CSMD1: variants seen among roughly 807,000 people sequenced by gnomAD.
CSMD1 encodes CUB and sushi domain-containing protein 1.
In CSMD1, 213 loss-of-function variants were observed where a neutral mutation model predicts 417.5. The observed-to-expected ratio is 0.51, with a 90% CI of 0.46 to 0.57. The LOEUF is 0.57. Among genes scored for constraint, CSMD1 ranks in the 20% least tolerant of loss-of-function variants. The pLI, the probability that CSMD1 is intolerant of heterozygous loss-of-function variation, is 0.00. For synonymous variants in CSMD1, 2,862 were observed against 1,736.8 expected, an observed-to-expected ratio of 1.65 and a Z score of -16.11; for missense variants, 6,923 against 4,529.7, an observed-to-expected ratio of 1.53 and a Z score of -15.17.
intron 2 of CSMD1, among the ~76,000 whole-genome samples, chr8:4,447,799 G>C (rs1012215916): frequency 2.0e-5 from 3 of 151,464 alleles, no homozygotes; most frequent in Non-Finnish European, 2.9e-5. Context: ...GAAAATAAAC[G>C]AACACAACTA....
intron 3 of CSMD1, among the ~76,000 whole-genome samples, chr8:4,315,288 G>A (rs1056929148): frequency 2.0e-5 from 3 of 152,148 alleles, no homozygotes; most frequent in East Asian, 1.9e-4. Context: ...GACAGTATGC[G>A]AGGAGACCCT....
At chr8:4,390,621 C>T (rs1244926998) in intron 3 of CSMD1, among the ~76,000 whole-genome samples, 1 of 152,038 alleles carries the variant, frequency 6.6e-6, no homozygotes, top group Admixed American at 6.6e-5. Context: ...TCACGCCATT[C>T]TCCTGCCTCA....
chr8:3,200,689 T>C (rs1167990541), intron 32 of CSMD1, among the ~76,000 whole-genome samples: 1 of 152,038 alleles, frequency 6.6e-6, no homozygotes, highest in East Asian at 1.9e-4. Flanking sequence ...CAGAGGACAA[T>C]GTGTTACTAA....
At chr8:3,445,477 C>T (rs905080907) in intron 12 of CSMD1, among the ~76,000 whole-genome samples, 1 of 152,098 alleles carries the variant, frequency 6.6e-6, no homozygotes, top group Non-Finnish European at 1.5e-5. Flanking sequence ...ACACACAGCT[C>T]GAGCAGATGG....
intron 1 of CSMD1, among the ~76,000 whole-genome samples, chr8:4,731,397 G>A (rs981090134): frequency 6.6e-6 from 1 of 152,078 alleles, no homozygotes; most frequent in African/African-American, 2.4e-5. Context: ...ACCTGTGCAA[G>A]TACTTTTCAT....
At chr8:3,642,894 C>G (rs889796567) in intron 7 of CSMD1, among the ~76,000 whole-genome samples, 2 of 151,430 alleles carry the variant, frequency 1.3e-5, no homozygotes, top group Non-Finnish European at 2.9e-5. Flanking sequence ...TACATACACA[C>G]ACATATATAT....
intron 3 of CSMD1, among the ~76,000 whole-genome samples, chr8:4,079,246 G>A (rs1362757003): frequency 6.6e-6 from 1 of 152,126 alleles, no homozygotes; most frequent in Non-Finnish European, 1.5e-5. Flanking sequence ...AGTAGATATA[G>A]CCCATGGAGA....
At chr8:4,928,274 C>T (rs945012376) in intron 1 of CSMD1, among the ~76,000 whole-genome samples, 1 of 152,226 alleles carries the variant, frequency 6.6e-6, no homozygotes, top group South Asian at 2.1e-4. Context: ...TCAGAACAAA[C>T]TGTCCTGACC....
rs570135078 is a variant in CSMD1 at position 4,210,313 on chromosome 8, C to A, written c.416-178214G>T. On this transcript the variant is annotated intron_variant, in intron 3 of 69. Transcript: ENST00000635120. ...CATCCTCTACTGTTAGATTCCATGT[C>A]AAGTGTGGGATTGTGCTGTGTCAAG... is the stretch of plus-strand genomic sequence containing the variant. Among the ~76,000 whole-genome samples the A allele has an allele frequency of 4.6e-5, 7 of 152,320 alleles. No homozygotes were observed. The South Asian group carries it at 8.3e-4, about 18-fold the overall frequency.
intron 5 of CSMD1, among the ~76,000 whole-genome samples, chr8:3,976,873 C>A (rs532441238): frequency 4.1e-4 from 62 of 152,288 alleles, no homozygotes; most frequent in African/African-American, 1.5e-3. Flanking sequence ...AGCACTAGCA[C>A]TGAGATGTGT....
intron 3 of CSMD1, among the ~76,000 whole-genome samples, chr8:4,213,202 T>A (rs1168950982): frequency 6.6e-6 from 1 of 152,114 alleles, no homozygotes; most frequent in Non-Finnish European, 1.5e-5. Context: ...GAATCATATT[T>A]CACTAATGGG....
At chr8:3,404,731 A>T (rs774442601) in intron 15 of CSMD1, among the ~76,000 whole-genome samples, 12 of 152,180 alleles carry the variant, frequency 7.9e-5, no homozygotes, top group Non-Finnish European at 1.5e-4. Context: ...TTAGTGTTTT[A>T]CAAAGTTATT....
intron 3 of CSMD1, among the ~76,000 whole-genome samples, chr8:4,307,975 T>G (rs17335309): frequency 6.6e-6 from 1 of 151,986 alleles, no homozygotes; most frequent in African/African-American, 2.4e-5. Flanking sequence ...CTGAAGAAAT[T>G]ACAGAGGCTC....
chr8:3,936,884 T>C (rs985313950), intron 5 of CSMD1, among the ~76,000 whole-genome samples: 2 of 152,188 alleles, frequency 1.3e-5, no homozygotes, highest in South Asian at 4.1e-4. Context: ...CAAAACCCTT[T>C]GGAAAGAATT....
chr8:4,082,494 C>T (rs977779765), intron 3 of CSMD1, among the ~76,000 whole-genome samples: 1 of 152,032 alleles, frequency 6.6e-6, no homozygotes, highest in Non-Finnish European at 1.5e-5. Flanking sequence ...ATTTTGATAA[C>T]AAAGTCTGTC....
chr8:3,837,865 C>G (rs983806850), intron 5 of CSMD1, among the ~76,000 whole-genome samples: 1 of 152,140 alleles, frequency 6.6e-6, no homozygotes, highest in Non-Finnish European at 1.5e-5. Flanking sequence ...TCATTCCAAC[C>G]TCACAGGACT....
chr8:4,086,936 C>G (rs1406333640), intron 3 of CSMD1, among the ~76,000 whole-genome samples: 1 of 152,166 alleles, frequency 6.6e-6, no homozygotes, highest in Non-Finnish European at 1.5e-5. Context: ...ACTCACTAAC[C>G]AGCTGTGTGG....
At chr8:3,523,617 A>G (rs1413530439) in intron 10 of CSMD1, among the ~76,000 whole-genome samples, 1 of 152,030 alleles carries the variant, frequency 6.6e-6, no homozygotes, top group East Asian at 1.9e-4. Flanking sequence ...GTACACACAC[A>G]CATGCATGCA....
chr8:3,756,435 A>C (rs897711763), intron 5 of CSMD1, among the ~76,000 whole-genome samples: 1 of 152,172 alleles, frequency 6.6e-6, no homozygotes, highest in Non-Finnish European at 1.5e-5. Context: ...CATACAAAAA[A>C]CGTTAAATTC....
Sources: gnomAD v4.1 joint callset for allele counts (sites outside exome capture counted in the v4.1 genomes callset) on GRCh38, gnomAD v4.1.1 for gene constraint, MANE v1.5 for transcripts, NCBI Gene and HGNC (gene_info 2026-07-23, HGNC 2026-07-21) for gene names.